Variants in NELFB observed in about 807,000 individuals in gnomAD.
NELFB encodes negative elongation factor B.
A neutral mutation model predicts 60.2 loss-of-function variants in NELFB; 34 were observed. That is an observed-to-expected ratio of 0.56 (90% CI 0.43 to 0.75). The LOEUF is 0.75. Ranked by LOEUF, NELFB falls within the 30% of genes least tolerant of loss-of-function variation. The probability of loss-of-function intolerance (pLI) is 0.00; values close to 1 mark genes in which losing one functional copy is unlikely to be tolerated. For missense variants in NELFB, 770 were observed against 831.6 expected (o/e 0.93, Z 0.91); for synonymous variants, 459 against 382.1 (o/e 1.20, Z -2.35).
At chr9:137,266,028 C>A in intron 7 of NELFB, 49 bp downstream of exon 7, 1 of 1,390,912 alleles carries the variant, frequency 7.2e-7, no homozygotes, top group Non-Finnish European at 1.0e-6. Flanking sequence ...GGCCACTCCG[C>A]TGGCTGCTCT....
At chr9:137,271,221 C>T (rs1165214934) in intron 10 of NELFB, among the ~76,000 whole-genome samples, 4 of 152,396 alleles carry the variant, frequency 2.6e-5, no homozygotes, top group Non-Finnish European at 4.4e-5. Flanking sequence ...GCCATGTGGC[C>T]GGCCAAGGCC....
chr9:137,267,178 G>A lies in NELFB; in HGVS notation c.1383-62G>A, dbSNP rs376239133. On this transcript the variant is annotated intron_variant, in intron 9 of 12. Transcript: ENST00000343053. ...CTGCCTCAGGGCTGGGCAGGGGTCG[G>A]TGTGGGGCTGAGGTGGGGCTGAGGT... 2 of 1,603,488 alleles carry A rather than the reference G, an allele frequency of 1.2e-6. No homozygotes were observed. Among genetic ancestry groups the A allele is most frequent in the Middle Eastern group, 1.8e-4 (1 of 5,570 alleles).
At chr9:137,257,271 G>T (rs576672294) in intron 4 of NELFB, among the ~76,000 whole-genome samples, 2 of 152,382 alleles carry the variant, frequency 1.3e-5, no homozygotes, top group Admixed American at 6.5e-5. Flanking sequence ...GTGATATATG[G>T]ACAACATTTA....
intron 4 of NELFB, among the ~76,000 whole-genome samples, chr9:137,258,144 G>C (rs968178973): frequency 2.0e-5 from 2 of 100,730 alleles, no homozygotes; most frequent in Non-Finnish European, 3.8e-5. Flanking sequence ...TTTTTTTTGA[G>C]ACAGGGTCTC....
At chr9:137,264,814 T>G (rs901173240) in intron 6 of NELFB, among the ~76,000 whole-genome samples, 2 of 152,068 alleles carry the variant, frequency 1.3e-5, no homozygotes, top group African/African-American at 4.8e-5. Context: ...GGCCCACAGC[T>G]TAGGGACATG....
chr9:137,264,742 C>T (rs1830497938), intron 6 of NELFB, among the ~76,000 whole-genome samples: 1 of 152,252 alleles, frequency 6.6e-6, no homozygotes, highest in South Asian at 2.1e-4. Flanking sequence ...GCTGGGATTA[C>T]AGGCATGCGC....
chr9:137,256,740 T>A, intron 3 of NELFB, 84 bp from the exon 4 acceptor site: 1 of 1,323,910 alleles, frequency 7.6e-7, no homozygotes, highest in African/African-American at 1.5e-5. Context: ...AGGTGGTCTC[T>A]GCGGGGCTGA....
chr9:137,261,168 G>A (rs578081170), intron 4 of NELFB, among the ~76,000 whole-genome samples: 9 of 149,324 alleles, frequency 6.0e-5, no homozygotes, highest in Non-Finnish European at 1.3e-4. Flanking sequence ...TGGTGAAACC[G>A]CATCTACTAA....
intron 10 of NELFB, 144 bp downstream of exon 10, chr9:137,267,490 C>CTTTTT (rs1174937800): frequency 1.4e-5 from 6 of 440,500 alleles, no homozygotes; most frequent in Non-Finnish European, 2.5e-5. Context: ...TTGTTTTCAC[C>CTTTTT]TTTTTTTTTT....
chr9:137,272,883 C>A lies in NELFB; in HGVS notation c.1842C>A (p.Ala614=). Residue 614 remains alanine, a synonymous_variant, in exon 13 of 13, where the codon GCC becomes GCA. Coordinates refer to ENST00000343053, the MANE Select transcript of NELFB (RefSeq NM_015456.5). ...CGGCACAGGCTGCGGAGACGCCGGC[C>A]CTGGAGCTGCCCCTCCCCAGCGTGC... The A allele has an allele frequency of 6.5e-7, 1 of 1,546,950 alleles. No homozygotes were observed. Among genetic ancestry groups the A allele is most frequent in the African/African-American group, 1.4e-5 (1 of 73,096 alleles).
chr9:137,258,387 T>C (rs1009856709), intron 4 of NELFB, among the ~76,000 whole-genome samples: 3 of 151,692 alleles, frequency 2.0e-5, no homozygotes, highest in East Asian at 1.9e-4. Context: ...CTCAGCCTCC[T>C]GAAGTGCTGG....
chr9:137,266,276 T>G (rs1830516215), intron 7 of NELFB, 55 bp from the exon 8 acceptor site: 1 of 1,499,652 alleles, frequency 6.7e-7, no homozygotes, highest in African/African-American at 1.4e-5. Flanking sequence ...TCAGAGGAGC[T>G]CCATGGCCAG....
At chr9:137,270,589 C>CA (rs35324780) in intron 10 of NELFB, among the ~76,000 whole-genome samples, 11 of 149,094 alleles carry the variant, frequency 7.4e-5, no homozygotes, top group South Asian at 2.1e-4. Flanking sequence ...GACTCCGTCT[C>CA]AAAAAAAACA....
At position 137,255,554 on chromosome 9, in the gene NELFB, C is replaced by A; in HGVS notation, c.189C>A (p.Asp63Glu). Residue 63 changes from aspartate to glutamate, a missense_variant, in exon 1 of 13, where the codon GAC becomes GAA. Physicochemically the swap from Asp to Glu is conservative, Grantham distance 45. Coordinates refer to ENST00000343053, the MANE Select transcript of NELFB (RefSeq NM_015456.5). ...ACCTGGGCGTGGCCAACGGCGAGGA[C>A]CTGAAGGAGACCCTGACCAACTGCA... 3.2e-6 allele frequency: 5 copies of A among 1,548,988 alleles called. No individual in the cohort carries two copies. Among genetic ancestry groups the A allele is most frequent in the Non-Finnish European group, 4.4e-6 (5 of 1,146,844 alleles).
At chr9:137,262,148 C>T (rs1371437418) in intron 4 of NELFB, among the ~76,000 whole-genome samples, 1 of 152,222 alleles carries the variant, frequency 6.6e-6, no homozygotes, top group African/African-American at 2.4e-5. Context: ...CACAGCATCA[C>T]AGGGAGACGG....
chr9:137,272,588 G>C lies in NELFB; in HGVS notation c.1713G>C (p.Leu571Phe). ...TGGCCCCGTCTAAGCTGGAGGCGTT[G>C]CAGAAGGCCCTGGAGCCTACAGGCC... is the stretch of plus-strand genomic sequence containing the variant. The change falls in exon 12 of 13, where the codon TTG becomes TTC. Residue 571 changes from leucine to phenylalanine, a missense_variant. Transcript: ENST00000343053. 1 of 1,607,336 alleles carries C rather than the reference G, an allele frequency of 6.2e-7. No homozygotes were observed. Among genetic ancestry groups the C allele is most frequent in the Non-Finnish European group, 8.5e-7 (1 of 1,177,462 alleles).
chr9:137,259,602 G>A (rs1830401188), intron 4 of NELFB, among the ~76,000 whole-genome samples: 2 of 152,080 alleles, frequency 1.3e-5, no homozygotes, highest in African/African-American at 4.8e-5. Context: ...AGGGAAATCA[G>A]TCGGCTTGGT....
chr9:137,256,234 G>A, intron 2 of NELFB, 95 bp from the exon 3 acceptor site: 1 of 1,393,960 alleles, frequency 7.2e-7, no homozygotes, highest in East Asian at 2.3e-5. Flanking sequence ...TGGGCGTGGA[G>A]GCTTGTCCTG....
chr9:137,256,762 T>G, intron 3 of NELFB, 62 bp from the exon 4 acceptor site: 1 of 1,539,998 alleles, frequency 6.5e-7, no homozygotes, highest in Middle Eastern at 1.7e-4. Context: ...GCCTCTTGGC[T>G]TGTCTTGAAG....
Sources: gnomAD v4.1 joint callset for allele counts (sites outside exome capture counted in the v4.1 genomes callset) on GRCh38, gnomAD v4.1.1 for gene constraint, MANE v1.5 for transcripts, NCBI Gene and HGNC (gene_info 2026-07-23, HGNC 2026-07-21) for gene names.